SLC10A7: variants seen among roughly 807,000 people sequenced by gnomAD.
SLC10A7 encodes sodium/bile acid cotransporter 7.
In SLC10A7, 29 loss-of-function variants were observed where a neutral mutation model predicts 43.2. The ratio of observed to expected loss-of-function variants is 0.67; its 90% CI spans 0.50 to 0.92. SLC10A7 has a LOEUF of 0.92. Among genes scored for constraint, SLC10A7 ranks in the 40% least tolerant of loss-of-function variants. SLC10A7 has a pLI of 0.00. For missense variants in SLC10A7, 295 were observed against 403.2 expected (o/e 0.73, Z 2.30); for synonymous variants, 152 against 144.8 (o/e 1.05, Z -0.35).
chr4:146,398,806 G>A (rs1243806584), intron 5 of SLC10A7, among the ~76,000 whole-genome samples: 1 of 152,204 alleles, frequency 6.6e-6, no homozygotes, highest in Non-Finnish European at 1.5e-5. Context: ...ACCAGTGACT[G>A]GTAAGACTCC....
intron 4 of SLC10A7, among the ~76,000 whole-genome samples, chr4:146,456,021 G>A (rs1370824656): frequency 1.3e-5 from 2 of 151,722 alleles, no homozygotes; most frequent in Non-Finnish European, 2.9e-5. Flanking sequence ...TTTTCATGGT[G>A]TAAATACTCC....
chr4:146,488,946 G>T (rs1345139456), intron 4 of SLC10A7, among the ~76,000 whole-genome samples: 1 of 152,072 alleles, frequency 6.6e-6, no homozygotes, highest in Non-Finnish European at 1.5e-5. Flanking sequence ...TACATTTCCT[G>T]TGTCCCTCAT....
At chr4:146,464,109 G>A (rs1283548253) in intron 4 of SLC10A7, among the ~76,000 whole-genome samples, 1 of 151,522 alleles carries the variant, frequency 6.6e-6, no homozygotes, top group Non-Finnish European at 1.5e-5. Flanking sequence ...ATAGGCATGA[G>A]TCACCACGCC....
intron 6 of SLC10A7, 37 bp from the exon 7 acceptor site, chr4:146,306,046 A>AATCAGTT (rs1731547783): frequency 6.6e-7 from 1 of 1,518,826 alleles, no homozygotes; most frequent in Admixed American, 2.0e-5. Flanking sequence ...AATTACTTCA[A>AATCAGTT]ATCAGTTATC....
At chr4:146,301,901 A>C (rs942172521) in intron 7 of SLC10A7, among the ~76,000 whole-genome samples, 2 of 152,226 alleles carry the variant, frequency 1.3e-5, no homozygotes, top group African/African-American at 4.8e-5. Flanking sequence ...CACTTAAGAA[A>C]AAAAAAGCTA....
Position 146,275,170 on chromosome 4 carries a change from ATC to A in SLC10A7, c.847+8020_847+8021del, listed in dbSNP as rs560852219. ...ATTCAGAATCAGTAGGCTTGAGCAA[ATC>A]TGTTTTGTTTTTAAATTTTTATTTC... On this transcript the variant is annotated intron_variant, in intron 10 of 11. Coordinates refer to ENST00000335472, the MANE Select transcript of SLC10A7 (RefSeq NM_001029998.6). 3.8e-3 allele frequency among the ~76,000 whole-genome samples: 585 copies of A among 152,276 alleles called. 2 individuals carry two copies. Among genetic ancestry groups the A allele is most frequent in the African/African-American group, 0.013 (533 of 41,570 alleles).
At chr4:146,497,062 T>A (rs1167917268) in intron 4 of SLC10A7, among the ~76,000 whole-genome samples, 1 of 152,240 alleles carries the variant, frequency 6.6e-6, no homozygotes, top group Non-Finnish European at 1.5e-5. Flanking sequence ...TTCATAATTT[T>A]TAAAAGAAGG....
At position 146,521,862 on chromosome 4, in the gene SLC10A7, A is replaced by C. The variant is rs1369729506; in HGVS notation, c.-145T>G. 1.5e-5 allele frequency: 10 copies of C among 663,132 alleles called. No homozygotes were observed. Among genetic ancestry groups the C allele is most frequent in the East Asian group, 2.8e-5 (1 of 36,116 alleles). The allele number at this position is 663,132 out of a possible 1,614,324, so 41.1% of individuals were successfully genotyped here. ...CAAGTCAAATTGCCGATTGTAAAGT[A>C]AAGACCTGGGGGTTGCTCCGGCGGC... On this transcript the variant is annotated 5_prime_UTR_variant, in exon 1 of 12. Transcript: ENST00000335472.
intron 10 of SLC10A7, among the ~76,000 whole-genome samples, chr4:146,259,507 AG>A (rs1728089503): frequency 6.6e-6 from 1 of 152,244 alleles, no homozygotes; most frequent in Non-Finnish European, 1.5e-5. Flanking sequence ...AGGCTGAGGC[AG>A]AAGAATCGCT....
chr4:146,364,176 C>T (rs10050271), intron 5 of SLC10A7, among the ~76,000 whole-genome samples: 73,058 of 151,638 alleles, frequency 0.48, 17,946 homozygotes, highest in East Asian at 0.62. Flanking sequence ...ACTGAAATCA[C>T]AGAAATCTGA....
intron 5 of SLC10A7, among the ~76,000 whole-genome samples, chr4:146,331,340 C>T (rs1158145609): frequency 3.3e-5 from 5 of 152,148 alleles, no homozygotes; most frequent in African/African-American, 4.8e-5. Context: ...CTTCTATTTA[C>T]TATTGGTTAA....
At chr4:146,304,430 A>G (rs912820108) in intron 7 of SLC10A7, among the ~76,000 whole-genome samples, 7 of 152,020 alleles carry the variant, frequency 4.6e-5, no homozygotes, top group Non-Finnish European at 8.8e-5. Context: ...AATGCATCCC[A>G]GAGATTCTGG....
intron 9 of SLC10A7, among the ~76,000 whole-genome samples, chr4:146,286,873 A>G (rs111704169): frequency 0.22 from 2,228 of 10,230 alleles, no homozygotes; most frequent in African/African-American, 0.36. Flanking sequence ...TGTGTTTGGA[A>G]TGGTGAGAAG....
At chr4:146,499,327 C>G (rs1337035513) in intron 4 of SLC10A7, among the ~76,000 whole-genome samples, 1 of 152,118 alleles carries the variant, frequency 6.6e-6, no homozygotes, top group African/African-American at 2.4e-5. Flanking sequence ...AGCAGAGAAT[C>G]ACAGAAAAGC....
chr4:146,332,791 G>A (rs1485924049), intron 5 of SLC10A7, among the ~76,000 whole-genome samples: 1 of 152,138 alleles, frequency 6.6e-6, no homozygotes, highest in African/African-American at 2.4e-5. Context: ...TGTTTTCCAA[G>A]TAGCATTTCT....
At chr4:146,424,206 C>T (rs1008536524) in intron 5 of SLC10A7, among the ~76,000 whole-genome samples, 20 of 152,158 alleles carry the variant, frequency 1.3e-4, no homozygotes, top group African/African-American at 4.8e-4. Flanking sequence ...CGGGCAACAC[C>T]ACATCTGTCT....
chr4:146,501,817 C>T (rs569384932), intron 4 of SLC10A7, among the ~76,000 whole-genome samples: 1 of 152,276 alleles, frequency 6.6e-6, no homozygotes, highest in East Asian at 1.9e-4. Context: ...AACCTTAAAG[C>T]CATTCTTGAC....
At chr4:146,513,252 A>G (rs895743012) in intron 2 of SLC10A7, among the ~76,000 whole-genome samples, 5 of 151,916 alleles carry the variant, frequency 3.3e-5, no homozygotes, top group African/African-American at 4.8e-5. Flanking sequence ...TACTATATAA[A>G]GAAAATATAA....
intron 5 of SLC10A7, among the ~76,000 whole-genome samples, chr4:146,371,854 A>G (rs1736803231): frequency 6.6e-6 from 1 of 152,178 alleles, no homozygotes; most frequent in African/African-American, 2.4e-5. Context: ...ACCTATTATT[A>G]TTATTAGAGA....
Sources: gnomAD v4.1 joint callset for allele counts (sites outside exome capture counted in the v4.1 genomes callset) on GRCh38, gnomAD v4.1.1 for gene constraint, MANE v1.5 for transcripts, NCBI Gene and HGNC (gene_info 2026-07-23, HGNC 2026-07-21) for gene names.